The following CPEB3 variants were observed in gnomAD, a reference collection of about 807,000 sequenced individuals.
CPEB3 encodes cytoplasmic polyadenylation element binding protein 3.
A neutral mutation model predicts 67.2 loss-of-function variants in CPEB3; 20 were observed. That is an observed-to-expected ratio of 0.30 (90% CI 0.21 to 0.43). CPEB3 has a LOEUF of 0.43. CPEB3 is among the 20% of genes least tolerant of loss of function. The probability of loss-of-function intolerance (pLI) is 1.00; values close to 1 mark genes in which losing one functional copy is unlikely to be tolerated. For missense variants in CPEB3, 746 were observed against 968.6 expected (o/e 0.77, Z 3.05); for synonymous variants, 376 against 393.1 (o/e 0.96, Z 0.51).
intron 1 of CPEB3, among the ~76,000 whole-genome samples, chr10:92,251,973 C>G (rs1852320350): frequency 1.3e-5 from 2 of 149,408 alleles, no homozygotes; most frequent in African/African-American, 4.9e-5. Context: ...AGTCACAAAA[C>G]CAGTAACCAT....
chr10:92,215,466 G>A lies in CPEB3; in HGVS notation c.1006-22830C>T, dbSNP rs568947895. ...TGCACCTGGCTTTTTTTTTTTAGAC[G>A]GAGTCTCACTCTGTCACCAGGCTGC... On this transcript the variant is annotated intron_variant, in intron 2 of 9. Transcript: ENST00000265997. Among the ~76,000 whole-genome samples, 6 of 140,166 alleles carry A rather than the reference G, an allele frequency of 4.3e-5. No homozygotes were observed. In the East Asian group the frequency reaches 6.4e-4, roughly 15 times the overall value. 92.0% of individuals were successfully genotyped at this position (140,166 alleles called of 152,430 possible).
At chr10:92,125,280 A>G (rs1845560080) in intron 6 of CPEB3, among the ~76,000 whole-genome samples, 1 of 152,242 alleles carries the variant, frequency 6.6e-6, no homozygotes, top group Non-Finnish European at 1.5e-5. Context: ...AAGCTGCCCA[A>G]GTAAGCTGAG....
At chr10:92,116,040 G>T (rs886579090) in intron 6 of CPEB3, among the ~76,000 whole-genome samples, 1 of 151,244 alleles carries the variant, frequency 6.6e-6, no homozygotes, top group Non-Finnish European at 1.5e-5. Flanking sequence ...TAAATCAGAT[G>T]GGTTAATTGA....
intron 2 of CPEB3, among the ~76,000 whole-genome samples, chr10:92,202,937 T>C (rs919579620): frequency 2.6e-5 from 4 of 151,840 alleles, no homozygotes; most frequent in African/African-American, 7.2e-5. Context: ...TTAAATTTTT[T>C]ATTTTTAAGC....
chr10:92,221,488 A>C (rs1322033738), intron 2 of CPEB3, among the ~76,000 whole-genome samples: 1 of 152,168 alleles, frequency 6.6e-6, no homozygotes, highest in East Asian at 1.9e-4. Context: ...GCAAGACTCC[A>C]TCTCAAAAAA....
At chr10:92,131,958 T>C (rs1845863510) in intron 6 of CPEB3, among the ~76,000 whole-genome samples, 2 of 152,216 alleles carry the variant, frequency 1.3e-5, no homozygotes, top group African/African-American at 4.8e-5. Flanking sequence ...AGTATCTGTA[T>C]TTTAAAAGGT....
intron 1 of CPEB3, among the ~76,000 whole-genome samples, chr10:92,250,858 A>AGT (rs1454105127): frequency 7.4e-3 from 766 of 103,842 alleles, no homozygotes; most frequent in Non-Finnish European, 0.01. Context: ...CACACAGTTA[A>AGT]TTTTTTTTTT....
chr10:92,058,417 CAA>C (rs1842194442), intron 9 of CPEB3, among the ~76,000 whole-genome samples: 2 of 152,110 alleles, frequency 1.3e-5, no homozygotes, highest in South Asian at 4.1e-4. Flanking sequence ...GGCATGGTGG[CAA>C]GTAACTGTAA....
At chr10:92,203,348 ATATATATGTATATATATG>A (rs1376021529) in intron 2 of CPEB3, among the ~76,000 whole-genome samples, 3 of 146,720 alleles carry the variant, frequency 2.0e-5, no homozygotes, top group South Asian at 2.1e-4. Context: ...ATATATATAT[ATATATATGTATATATATG>A]TATATATGTA....
chr10:92,206,101 A>T (rs1849775400), intron 2 of CPEB3, among the ~76,000 whole-genome samples: 1 of 147,572 alleles, frequency 6.8e-6, no homozygotes, highest in Non-Finnish European at 1.5e-5. Flanking sequence ...TTGGAGACAG[A>T]GTTTCGCTGG....
chr10:92,106,148 C>T (rs1844440530), intron 7 of CPEB3, among the ~76,000 whole-genome samples: 1 of 152,098 alleles, frequency 6.6e-6, no homozygotes, highest in East Asian at 1.9e-4. Flanking sequence ...CCAGCTCAGC[C>T]TCCCAAAGTG....
chr10:92,101,080 C>T (rs543693624), intron 7 of CPEB3, among the ~76,000 whole-genome samples: 66 of 152,294 alleles, frequency 4.3e-4, no homozygotes, highest in African/African-American at 1.6e-3. Context: ...ATCACATGAA[C>T]ATCCTACTGC....
chr10:92,138,023 T>C (rs768703712), intron 6 of CPEB3: 1 of 154,186 alleles, frequency 6.5e-6, no homozygotes, highest in African/African-American at 2.4e-5. Context: ...AGAAAGTGGA[T>C]TGGCTCACTG....
chr10:92,239,363 T>G lies in CPEB3; in HGVS notation c.988A>C (p.Asn330His). The change falls in exon 2 of 10, where the codon AAT becomes CAT. Residue 330 changes from asparagine (N) to histidine (H), a missense_variant. Around this residue, in one of 2 missense-constraint regions of CPEB3, gnomAD observed 643 missense variants for 717.5 expected, o/e 0.90. Transcript: ENST00000265997. This position sits in a 1 kb window ranked among gnomAD's most constrained non-coding sequence, Gnocchi z 6.0. ...AGTATTACCTGAAATGGCAACAGAT[T>G]GTTACCATTATCGGTCCGGAAAGCG... ...DNAFRTDNGNNLLPFQDRSRP... is the reference protein window; with the variant it reads ...DNAFRTDNGNHLLPFQDRSRP... 6.2e-7 allele frequency: 1 copy of G among 1,606,108 alleles called. No homozygotes were observed. The highest frequency in any genetic ancestry group is 8.5e-7 in the Non-Finnish European group (1 of 1,176,534).
intron 4 of CPEB3, among the ~76,000 whole-genome samples, chr10:92,177,929 T>C (rs1231221088): frequency 1.3e-5 from 2 of 152,096 alleles, no homozygotes; most frequent in East Asian, 3.8e-4. Flanking sequence ...CAGCTTTCCA[T>C]AGAGACCTAG....
intron 3 of CPEB3, among the ~76,000 whole-genome samples, chr10:92,186,208 C>CAAA (rs1353287748): frequency 2.3e-5 from 1 of 44,370 alleles, no homozygotes; most frequent in Non-Finnish European, 4.9e-5. Context: ...CCTGTCTCCA[C>CAAA]AAAAAAAAAA....
intron 1 of CPEB3, among the ~76,000 whole-genome samples, chr10:92,278,834 C>T (rs1590607741): frequency 6.6e-6 from 1 of 151,754 alleles, no homozygotes; most frequent in East Asian, 1.9e-4. Flanking sequence ...CTCCTGACCT[C>T]GTGATCTGCC....
At chr10:92,106,311 T>C (rs1844451400) in intron 7 of CPEB3, among the ~76,000 whole-genome samples, 1 of 151,946 alleles carries the variant, frequency 6.6e-6, no homozygotes, top group South Asian at 2.1e-4. Context: ...CAGTACGTTC[T>C]GGTTCACAGT....
chr10:92,162,831 T>C (rs1847555608), intron 4 of CPEB3, among the ~76,000 whole-genome samples: 2 of 152,218 alleles, frequency 1.3e-5, no homozygotes, highest in Non-Finnish European at 2.9e-5. Flanking sequence ...GGGCATGTTA[T>C]GCTCTGCTGT....
Sources: allele counts gnomAD v4.1 joint callset (sites outside exome capture counted in the v4.1 genomes callset), GRCh38; gene constraint gnomAD v4.1.1; regional missense constraint gnomAD v4.1.1; non-coding constraint Gnocchi (gnomAD v3.1); transcripts MANE v1.5; gene names NCBI Gene and HGNC (gene_info 2026-07-23, HGNC 2026-07-21).